FHAD1: variants seen among roughly 807,000 people sequenced by gnomAD.
The protein encoded by FHAD1 is forkhead associated phosphopeptide binding domain 1.
Under a neutral mutation model 191.3 loss-of-function variants are expected in FHAD1, and 146 were observed. The ratio of observed to expected loss-of-function variants is 0.76; its 90% CI spans 0.67 to 0.88. The LOEUF is 0.88. FHAD1 is among the 40% of genes least tolerant of loss of function. The pLI, the probability that FHAD1 is intolerant of heterozygous loss-of-function variation, is 0.00. For missense variants in FHAD1, 1,635 were observed against 1,785.8 expected (o/e 0.92, Z 1.52); for synonymous variants, 616 against 672.3 (o/e 0.92, Z 1.29).
intron 3 of FHAD1, among the ~76,000 whole-genome samples, chr1:15,275,292 G>A (rs1039728888): frequency 6.6e-6 from 1 of 152,220 alleles, no homozygotes; most frequent in Non-Finnish European, 1.5e-5. Context: ...TCACTTGGCT[G>A]TACATGAATT....
In FHAD1 at chr1:15,341,713, G is replaced by A. The variant is rs181160500; in HGVS notation, c.1978-23G>A. On this transcript the variant is annotated intron_variant, in intron 15 of 33. Transcript: ENST00000688493. The stretch of plus-strand genomic sequence containing the variant: ...GTTAGGCCTGTCCCCCATCAGCATC[G>A]GTTTACTTTTCTCACATTTCAGATC... The A allele has an allele frequency of 8.0e-5, 124 of 1,540,508 alleles. No individual in the cohort carries two copies. In the Admixed American group the frequency reaches 2.2e-3, roughly 27 times the overall value.
rs201816484 is a variant in FHAD1 at position 15,345,546 on chromosome 1, G to A, written c.2346+23G>A. On this transcript the variant is annotated intron_variant, in intron 18 of 33. Transcript: ENST00000688493. ...GAGGTACGCTCGGGGAGATAGAGTC[G>A]GCTGAGCCCCAGTCGGCTTGAGGGC... 299 of 1,539,216 alleles carry A rather than the reference G, an allele frequency of 1.9e-4. 1 individual carries two copies. Among genetic ancestry groups the A allele is most frequent in the Non-Finnish European group, 9.0e-5 (102 of 1,135,780 alleles).
chr1:15,343,619 A>T (rs1393990530), intron 16 of FHAD1, among the ~76,000 whole-genome samples: 1 of 152,194 alleles, frequency 6.6e-6, no homozygotes, highest in Non-Finnish European at 1.5e-5. Flanking sequence ...GAAATAAAAG[A>T]TTAAAAAAGA....
At chr1:15,372,963 G>A (rs1698540537) in intron 26 of FHAD1, among the ~76,000 whole-genome samples, 1 of 152,168 alleles carries the variant, frequency 6.6e-6, no homozygotes, top group Non-Finnish European at 1.5e-5. Flanking sequence ...GGATGTTGCT[G>A]GGTTTAGCAA....
chr1:15,396,453 C>T (rs1220038801), intron 33 of FHAD1, among the ~76,000 whole-genome samples: 3 of 152,120 alleles, frequency 2.0e-5, no homozygotes, highest in Non-Finnish European at 4.4e-5. Context: ...CTCTTTTGTG[C>T]TCATATCTGT....
chr1:15,393,506 CAG>C (rs796129551), intron 33 of FHAD1, among the ~76,000 whole-genome samples: 31 of 151,972 alleles, frequency 2.0e-4, no homozygotes, highest in African/African-American at 6.0e-4. Flanking sequence ...TAAGAATTCT[CAG>C]GGGGCGAGGT....
At chr1:15,365,481 ATT>A (rs71587751) in intron 23 of FHAD1, among the ~76,000 whole-genome samples, 16 of 112,734 alleles carry the variant, frequency 1.4e-4, no homozygotes, top group Middle Eastern at 5.0e-3. Context: ...TGCCTGGCTA[ATT>A]TTTTTTTTTT....
intron 4 of FHAD1, among the ~76,000 whole-genome samples, chr1:15,290,991 G>A (rs1475379878): frequency 6.6e-6 from 1 of 151,970 alleles, no homozygotes; most frequent in Non-Finnish European, 1.5e-5. Context: ...TGGGATTACA[G>A]ACATGAGCCA....
intron 31 of FHAD1, among the ~76,000 whole-genome samples, chr1:15,387,599 A>G (rs1202843727): frequency 6.6e-6 from 1 of 152,104 alleles, no homozygotes; most frequent in East Asian, 1.9e-4. Flanking sequence ...AAAACAAAAA[A>G]ATTAGCTGGG....
intron 18 of FHAD1, among the ~76,000 whole-genome samples, chr1:15,347,367 A>T (rs540400480): frequency 6.6e-6 from 1 of 152,338 alleles, no homozygotes; most frequent in African/African-American, 2.4e-5. Context: ...CGTCTGTTAA[A>T]ATGTCAGCCT....
In FHAD1 at chr1:15,360,467, C is replaced by T. The variant is rs1440562316; in HGVS notation, c.2737-11C>T. ...TCCCAAGACCTCACTGAGTGACTCTCTGTTTCCCAGATCATGGTGGAAGAG... is the reference window on the plus strand; with the variant it reads ...TCCCAAGACCTCACTGAGTGACTCTTTGTTTCCCAGATCATGGTGGAAGAG... On this transcript the variant is annotated splice_polypyrimidine_tract_variant and intron_variant, in intron 21 of 33. Transcript: ENST00000688493. 2 of 1,549,842 alleles carry T rather than the reference C, an allele frequency of 1.3e-6. No individual in the cohort carries two copies. Among genetic ancestry groups the T allele is most frequent in the Non-Finnish European group, 1.7e-6 (2 of 1,146,208 alleles).
At chr1:15,359,057 T>G (rs566102801) in intron 21 of FHAD1, among the ~76,000 whole-genome samples, 24 of 151,792 alleles carry the variant, frequency 1.6e-4, no homozygotes, top group South Asian at 1.2e-3. Flanking sequence ...CGAAGGAGAC[T>G]GCACACTTCA....
At chr1:15,272,268 G>A in intron 2 of FHAD1, 55 bp from the exon 3 acceptor site, 1 of 1,487,326 alleles carries the variant, frequency 6.7e-7, no homozygotes, top group Non-Finnish European at 9.2e-7. Context: ...CAAAACATTA[G>A]GGGCCGTGTC....
intron 14 of FHAD1, among the ~76,000 whole-genome samples, chr1:15,331,486 T>TGATGGATGGATG (rs140320304): frequency 2.4e-5 from 2 of 83,086 alleles, no homozygotes; most frequent in African/African-American, 5.0e-5. Flanking sequence ...GTGGGTGGAT[T>TGATGGATGGATG]GATGGATGGA....
chr1:15,321,450 TG>T (rs2101608522), intron 10 of FHAD1, among the ~76,000 whole-genome samples: 1 of 152,354 alleles, frequency 6.6e-6, no homozygotes, highest in South Asian at 2.1e-4. Context: ...TTAATAATTA[TG>T]TCCTTCTTCT....
At chr1:15,401,220 T>A (rs1707117954), downstream of FHAD1, among the ~76,000 whole-genome samples, 1 of 152,244 alleles carries the variant, frequency 6.6e-6, no homozygotes, top group Non-Finnish European at 1.5e-5. Context: ...TATGCAAAGC[T>A]GAAGAGTCAG....
intron 2 of FHAD1, among the ~76,000 whole-genome samples, chr1:15,253,688 G>A (rs1316139921): frequency 6.6e-6 from 1 of 152,136 alleles, no homozygotes; most frequent in African/African-American, 2.4e-5. Flanking sequence ...AACCTTAACT[G>A]AACTTTCTAG....
intron 24 of FHAD1, 117 bp downstream of exon 24, chr1:15,366,050 G>A: frequency 1.5e-6 from 1 of 653,928 alleles, no homozygotes; most frequent in Non-Finnish European, 2.6e-6. Flanking sequence ...CACTTTGGGA[G>A]GCCAAGGCAG....
chr1:15,385,545 G>A (rs767683471), intron 31 of FHAD1, among the ~76,000 whole-genome samples: 49 of 152,234 alleles, frequency 3.2e-4, no homozygotes, highest in Middle Eastern at 3.4e-3. Context: ...CAGAACTTTG[G>A]GAGGCTGATG....
Sources: allele counts gnomAD v4.1 joint callset (sites outside exome capture counted in the v4.1 genomes callset), GRCh38; gene constraint gnomAD v4.1.1; transcripts MANE v1.5; gene names NCBI Gene and HGNC (gene_info 2026-07-23, HGNC 2026-07-21).